Variants in TMEM128 observed in about 807,000 individuals in gnomAD.
TMEM128 encodes transmembrane protein 128.
A neutral mutation model predicts 19.7 loss-of-function variants in TMEM128; 16 were observed. The ratio of observed to expected loss-of-function variants is 0.81; its 90% CI spans 0.55 to 1.23. The LOEUF is 1.23. Among genes scored for constraint, TMEM128 ranks in the 50% most tolerant of loss-of-function variants. The pLI is 0.00. For synonymous variants in TMEM128, 98 were observed against 75.8 expected (o/e 1.29, Z -1.52); for missense variants, 237 against 200.8 (o/e 1.18, Z -1.09).
rs143894747 is a variant in TMEM128, at chr4:4,237,934, A to C, written c.400T>G (p.Phe134Val). The change falls in exon 4 of 5, where the codon TTC (phenylalanine) becomes GTC (valine). Residue 134 changes from phenylalanine to valine, a missense_variant and splice_region_variant. Coordinates refer to ENST00000382753, the MANE Select transcript of TMEM128 (RefSeq NM_001297551.2). The stretch of plus-strand genomic sequence containing the variant: ...CACACATGCCATAAAGCAATGTTGA[A>C]GCTGAAAAGAACAAGACATAAACAG... ...TASFIAAGIC[F>V]NIALWHVWSF... 3.8e-5 allele frequency: 59 copies of C among 1,552,296 alleles called. No homozygotes were observed. The highest frequency in any genetic ancestry group is 1.2e-5 in the South Asian group (1 of 83,770).
At chr4:4,244,814 T>C (rs4018315) in intron 2 of TMEM128, among the ~76,000 whole-genome samples, 46,856 of 151,996 alleles carry the variant, frequency 0.31, 7,824 homozygotes, top group East Asian at 0.44. Flanking sequence ...GAGCTACCTT[T>C]GTCCAGTTCT....
intron 2 of TMEM128, among the ~76,000 whole-genome samples, chr4:4,243,333 C>T (rs575459518): frequency 4.6e-5 from 7 of 152,196 alleles, no homozygotes; most frequent in African/African-American, 9.6e-5. Flanking sequence ...CCGCCCGCCT[C>T]GGCCTCCCAA....
chr4:4,245,368 G>A (rs1718124910), intron 2 of TMEM128, among the ~76,000 whole-genome samples: 1 of 152,036 alleles, frequency 6.6e-6, no homozygotes, highest in Admixed American at 6.6e-5. Flanking sequence ...TCCCACTGTG[G>A]ACCTTCACCT....
At chr4:4,242,228 G>A (rs1482868103) in intron 2 of TMEM128, among the ~76,000 whole-genome samples, 1 of 151,882 alleles carries the variant, frequency 6.6e-6, no homozygotes, top group African/African-American at 2.4e-5. Context: ...TTATATCTAT[G>A]AGGAAAAAAT....
intron 1 of TMEM128, chr4:4,247,745 G>A (rs1282117636): frequency 3.8e-6 from 6 of 1,565,560 alleles, no homozygotes; most frequent in Admixed American, 1.8e-5. Context: ...GACGGGCAAG[G>A]CAGATATTTC....
chr4:4,242,127 C>T (rs190628494), intron 2 of TMEM128, among the ~76,000 whole-genome samples: 11 of 152,120 alleles, frequency 7.2e-5, no homozygotes, highest in Non-Finnish European at 1.5e-4. Flanking sequence ...AGGCTGGTCT[C>T]GAATTCCTGA....
intron 2 of TMEM128, among the ~76,000 whole-genome samples, chr4:4,243,779 G>A (rs1182623840): frequency 6.6e-6 from 1 of 152,080 alleles, no homozygotes; most frequent in African/African-American, 2.4e-5. Context: ...TTGCCACACA[G>A]CAGTTATGTG....
chr4:4,243,459 T>G (rs1231186322), intron 2 of TMEM128, among the ~76,000 whole-genome samples: 1 of 152,116 alleles, frequency 6.6e-6, no homozygotes, highest in Non-Finnish European at 1.5e-5. Flanking sequence ...CTTCTAAACT[T>G]AGGCTAGAGC....
chr4:4,237,715 T>C, intron 4 of TMEM128, 112 bp downstream of exon 4: 3 of 645,852 alleles, frequency 4.6e-6, no homozygotes, highest in Non-Finnish European at 2.8e-6. Flanking sequence ...GGTGTAAACA[T>C]GACTGAAAAT....
chr4:4,245,074 C>T (rs1169452438), intron 2 of TMEM128, among the ~76,000 whole-genome samples: 1 of 152,092 alleles, frequency 6.6e-6, no homozygotes, highest in African/African-American at 2.4e-5. Context: ...ACGAGGGGAC[C>T]ACAGTCCTGT....
chr4:4,237,749 C>T, intron 4 of TMEM128, 78 bp downstream of exon 4: 1 of 794,126 alleles, frequency 1.3e-6, no homozygotes, highest in Non-Finnish European at 2.2e-6. Context: ...TCTGTTACAG[C>T]TCCATCCACT....
intron 2 of TMEM128, 26 bp downstream of exon 2, chr4:4,246,176 T>C: frequency 6.3e-7 from 1 of 1,575,636 alleles, no homozygotes. Flanking sequence ...TTGGGTTTAA[T>C]TTACAAAGCA....
chr4:4,247,260 C>T (rs936848899), intron 1 of TMEM128, among the ~76,000 whole-genome samples: 1 of 152,116 alleles, frequency 6.6e-6, no homozygotes, highest in African/African-American at 2.4e-5. Context: ...GGGATTCTGA[C>T]ATGCCCTCTA....
At chr4:4,241,060 TG>T (rs1205131576) in intron 2 of TMEM128, among the ~76,000 whole-genome samples, 2 of 152,086 alleles carry the variant, frequency 1.3e-5, no homozygotes, top group African/African-American at 4.8e-5. Context: ...CTGGAGTGCC[TG>T]GGCAACAAGA....
At chr4:4,247,814 T>C in intron 1 of TMEM128, 1 of 1,429,912 alleles carries the variant, frequency 7.0e-7, no homozygotes, top group South Asian at 1.5e-5. Flanking sequence ...CATTGTACAC[T>C]GCGGTACACG....
chr4:4,248,198 T>G lies in TMEM128; in HGVS notation c.5A>C (p.Asp2Ala), dbSNP rs1196450695. Residue 2 changes from aspartate (D) to alanine (A), a missense_variant, in exon 1 of 5, where the codon GAC (aspartate) becomes GCC (alanine). Physicochemically the swap from Asp to Ala is moderately radical, Grantham distance 126. Transcript: ENST00000382753. M[D>A]SSRARQQLRR... Reference sequence around the variant, plus strand: ...GAGCTGCTGCCGGGCCCGCGAGGAGTCCATCTTGGTACCGCCCCGAAATGC... The same window carrying G: ...GAGCTGCTGCCGGGCCCGCGAGGAGGCCATCTTGGTACCGCCCCGAAATGC... The G allele has an allele frequency of 3.3e-6, 5 of 1,521,314 alleles. No individual in the cohort carries two copies. Among genetic ancestry groups the G allele is most frequent in the Admixed American group, 2.1e-5 (1 of 48,724 alleles). The allele number at this position is 1,521,314 out of a possible 1,614,324, so 94.2% of individuals were successfully genotyped here.
At chr4:4,245,178 C>T (rs1718115848) in intron 2 of TMEM128, among the ~76,000 whole-genome samples, 1 of 152,118 alleles carries the variant, frequency 6.6e-6, no homozygotes, top group Non-Finnish European at 1.5e-5. Flanking sequence ...ACCAACATAC[C>T]TCTCCCTTCC....
At chr4:4,242,681 G>A (rs1209338722) in intron 2 of TMEM128, among the ~76,000 whole-genome samples, 1 of 151,928 alleles carries the variant, frequency 6.6e-6, no homozygotes, top group Non-Finnish European at 1.5e-5. Flanking sequence ...ACCACACCCA[G>A]CTAATTTTTG....
rs192214773 is a variant in TMEM128 at position 4,244,350 on chromosome 4, G to A, written c.239+1852C>T. Among the ~76,000 whole-genome samples, 362 of 152,060 alleles carry A rather than the reference G, an allele frequency of 2.4e-3. 2 individuals are homozygous for A. The highest frequency in any genetic ancestry group is 8.1e-3 in the African/African-American group (337 of 41,470). Reference sequence around the variant, plus strand: ...AAATTAGCCAGGCATGGTGGTGTGCGCCTATAGTCCTAGCTACTTGGGAGG... The same window carrying A: ...AAATTAGCCAGGCATGGTGGTGTGCACCTATAGTCCTAGCTACTTGGGAGG... On this transcript the variant is annotated intron_variant, in intron 2 of 4. Transcript: ENST00000382753.
Sources: allele counts gnomAD v4.1 joint callset (sites outside exome capture counted in the v4.1 genomes callset), GRCh38; gene constraint gnomAD v4.1.1; transcripts MANE v1.5; gene names NCBI Gene and HGNC (gene_info 2026-07-23, HGNC 2026-07-21).